SLC9A9: variants seen among roughly 807,000 people sequenced by gnomAD.
SLC9A9 encodes the protein sodium/hydrogen exchanger 9.
In SLC9A9, 62 loss-of-function variants were observed where a neutral mutation model predicts 77.8. The observed-to-expected ratio is 0.80, with a 90% CI of 0.65 to 0.98. SLC9A9 has a LOEUF of 0.98. SLC9A9 is among the 50% of genes least tolerant of loss of function. The pLI, the probability that SLC9A9 is intolerant of heterozygous loss-of-function variation, is 0.00. For synonymous variants in SLC9A9, 320 were observed against 283.5 expected (o/e 1.13, Z -1.29); for missense variants, 775 against 774.9 (o/e 1.00, Z 0.00).
intron 12 of SLC9A9, among the ~76,000 whole-genome samples, chr3:143,389,076 GC>G (rs1242200063): frequency 6.6e-6 from 1 of 152,324 alleles, no homozygotes; most frequent in East Asian, 1.9e-4. Flanking sequence ...GGACAGAGTT[GC>G]TTTGGATGAC....
intron 14 of SLC9A9, among the ~76,000 whole-genome samples, chr3:143,346,271 G>A (rs950160047): frequency 6.6e-6 from 1 of 152,166 alleles, no homozygotes; most frequent in African/African-American, 2.4e-5. Context: ...TAGTCCAGAT[G>A]ATTAAACAAT....
rs189224474 is a variant in SLC9A9 at position 143,432,104 on chromosome 3, C to T, written c.1469+34933G>A. On this transcript the variant is annotated intron_variant, in intron 12 of 15. Transcript: ENST00000316549. ...CACCTGATATACTATATAATTTGCC[C>T]ATTTGTTAAGCTAATTTCTCACGGC... Among the ~76,000 whole-genome samples, 15 of 152,220 alleles carry T rather than the reference C, an allele frequency of 9.9e-5. No homozygotes were observed. The East Asian group carries it at 2.9e-3, about 29-fold the overall frequency.
chr3:143,808,364 T>C (rs1247037012), intron 2 of SLC9A9, among the ~76,000 whole-genome samples: 1 of 152,240 alleles, frequency 6.6e-6, no homozygotes, highest in Non-Finnish European at 1.5e-5. Context: ...GATGATCTGC[T>C]CATCCTATAT....
intron 4 of SLC9A9, among the ~76,000 whole-genome samples, chr3:143,762,459 G>A (rs1407105808): frequency 6.6e-6 from 1 of 151,972 alleles, no homozygotes; most frequent in Non-Finnish European, 1.5e-5. Context: ...AATTCAACTG[G>A]AATCCTTAAC....
chr3:143,479,425 A>ATT (rs35787235), intron 11 of SLC9A9, among the ~76,000 whole-genome samples: 27 of 151,222 alleles, frequency 1.8e-4, no homozygotes, highest in African/African-American at 4.1e-4. Context: ...TTAAAAAAAA[A>ATT]TTTTTTTTGT....
intron 12 of SLC9A9, among the ~76,000 whole-genome samples, chr3:143,438,069 G>A (rs190054249): frequency 2.8e-4 from 42 of 152,322 alleles, no homozygotes; most frequent in African/African-American, 7.7e-4. Context: ...GATGCAGAAA[G>A]GAAAGGCCAG....
At chr3:143,670,411 T>G (rs1423590531) in intron 5 of SLC9A9, among the ~76,000 whole-genome samples, 1 of 152,218 alleles carries the variant, frequency 6.6e-6, no homozygotes, top group African/African-American at 2.4e-5. Context: ...AGTTTAACAC[T>G]TCTCTGCATG....
intron 14 of SLC9A9, among the ~76,000 whole-genome samples, chr3:143,308,559 G>C (rs777885920): frequency 2.5e-4 from 38 of 150,148 alleles, no homozygotes; most frequent in Non-Finnish European, 4.0e-4. Context: ...CTGGGCGACA[G>C]AGCGAGACTC....
intron 6 of SLC9A9, among the ~76,000 whole-genome samples, chr3:143,596,315 A>AAC (rs960526499): frequency 6.6e-6 from 1 of 152,118 alleles, no homozygotes; most frequent in African/African-American, 2.4e-5. Context: ...TGCGTGCACA[A>AAC]ACACACACAC....
At chr3:143,443,008 A>G (rs1313938160) in intron 12 of SLC9A9, among the ~76,000 whole-genome samples, 1 of 152,186 alleles carries the variant, frequency 6.6e-6, no homozygotes, top group South Asian at 2.1e-4. Flanking sequence ...ATCAACTGCC[A>G]TTTGAGCTAC....
chr3:143,521,418 T>C (rs183653612), intron 9 of SLC9A9, among the ~76,000 whole-genome samples: 12 of 152,326 alleles, frequency 7.9e-5, no homozygotes, highest in African/African-American at 2.6e-4. Context: ...ATAAGTTCCA[T>C]ACATATATGC....
chr3:143,514,872 G>A (rs1198409887), intron 9 of SLC9A9, among the ~76,000 whole-genome samples: 1 of 152,110 alleles, frequency 6.6e-6, no homozygotes, highest in African/African-American at 2.4e-5. Context: ...TATCATTTGT[G>A]TGTTCACTGG....
At chr3:143,408,299 G>C (rs919020116) in intron 12 of SLC9A9, among the ~76,000 whole-genome samples, 1 of 152,132 alleles carries the variant, frequency 6.6e-6, no homozygotes, top group African/African-American at 2.4e-5. Context: ...TTGGATGCTG[G>C]TGGTCTTTGG....
chr3:143,795,390 A>C (rs1412289032), intron 3 of SLC9A9, among the ~76,000 whole-genome samples: 1 of 152,064 alleles, frequency 6.6e-6, no homozygotes, highest in Admixed American at 6.5e-5. Flanking sequence ...GGCAATGTCT[A>C]TGCCAGAATC....
In SLC9A9 at chr3:143,795,093, G is replaced by T. The variant is rs368051374; in HGVS notation, c.457-16C>A. 12 of 1,602,792 alleles carry T rather than the reference G, an allele frequency of 7.5e-6. No individual in the cohort carries two copies. Among genetic ancestry groups the T allele is most frequent in the Middle Eastern group, 1.6e-4 (1 of 6,066 alleles). Reference sequence around the variant, plus strand: ...AAAAGTGTCTCTGGGGAGAAAAAAAGATATTTAATAGAGTACATCAGAATT... The same window carrying T: ...AAAAGTGTCTCTGGGGAGAAAAAAATATATTTAATAGAGTACATCAGAATT... On this transcript the variant is annotated splice_polypyrimidine_tract_variant and intron_variant, in intron 3 of 15. Transcript: ENST00000316549.
chr3:143,300,438 A>C (rs562952428), intron 14 of SLC9A9, among the ~76,000 whole-genome samples: 1 of 152,312 alleles, frequency 6.6e-6, no homozygotes, highest in Non-Finnish European at 1.5e-5. Flanking sequence ...AAATGTATAA[A>C]CTTTTTTAGG....
At chr3:143,584,593 C>T (rs909862385) in intron 6 of SLC9A9, among the ~76,000 whole-genome samples, 1 of 152,184 alleles carries the variant, frequency 6.6e-6, no homozygotes, top group Non-Finnish European at 1.5e-5. Context: ...ATTTTCTCTG[C>T]CAAATATGTA....
At chr3:143,382,224 G>C (rs1238278737) in intron 12 of SLC9A9, 110 bp from the exon 13 acceptor site, 1 of 1,155,172 alleles carries the variant, frequency 8.7e-7, no homozygotes, top group Non-Finnish European at 1.3e-6. Context: ...GAAAAGATTT[G>C]GCAGAAAACT....
chr3:143,324,200 G>A (rs2031507280), intron 14 of SLC9A9, among the ~76,000 whole-genome samples: 1 of 151,682 alleles, frequency 6.6e-6, no homozygotes, highest in African/African-American at 2.4e-5. Flanking sequence ...CCTTGAACAA[G>A]AGCCACTGAA....
Sources: gnomAD v4.1 joint callset for allele counts (sites outside exome capture counted in the v4.1 genomes callset) on GRCh38, gnomAD v4.1.1 for gene constraint, MANE v1.5 for transcripts, NCBI Gene and HGNC (gene_info 2026-07-23, HGNC 2026-07-21) for gene names.